Variants in LAX1 observed in about 807,000 individuals in gnomAD.
The protein encoded by LAX1 is lymphocyte transmembrane adaptor 1.
Under a neutral mutation model 20.7 loss-of-function variants are expected in LAX1, and 17 were observed. The observed-to-expected ratio is 0.82, with a 90% confidence interval of 0.56 to 1.23. LAX1 has a LOEUF of 1.23. LAX1 is among the 50% of genes most tolerant of loss of function. LAX1 has a pLI of 0.00. For missense variants in LAX1, 470 were observed against 487.0 expected, an observed-to-expected ratio of 0.97 and a Z score of 0.33; for synonymous variants, 165 against 181.0, an observed-to-expected ratio of 0.91 and a Z score of 0.71.
Position 203,765,502 on chromosome 1 carries a change from C to T in LAX1, c.-64C>T. On this transcript the variant is annotated 5_prime_UTR_variant, in exon 1 of 5. Transcript: ENST00000442561. ...GAGAAGTGGTAGACATGCTGGCTAA[C>T]TGATTATGATTAAGAGAAACTTAGA... 6.2e-7 allele frequency: 1 copy of T among 1,605,360 alleles called. No homozygotes were observed. Among genetic ancestry groups the T allele is most frequent in the African/African-American group, 1.3e-5 (1 of 74,886 alleles).
chr1:203,766,203 G>A (rs995530833), intron 1 of LAX1, among the ~76,000 whole-genome samples: 20 of 152,150 alleles, frequency 1.3e-4, no homozygotes, highest in Non-Finnish European at 2.1e-4. Context: ...CTGACTGGGC[G>A]CGGTGGCTCA....
chr1:203,774,797 A>G lies in LAX1; in HGVS notation c.*116A>G. 1.2e-6 allele frequency: 1 copy of G among 817,274 alleles called. No individual in the cohort carries two copies. The allele number at this position is 817,274 out of a possible 1,614,324, so 50.6% of individuals were successfully genotyped here. A position where few individuals can be genotyped will look rare whatever the true frequency, so the allele number is the denominator to read the frequency against. ...TAGTGCTTCAGTGGATTCACTGGTT[A>G]GATTAAAAAGAGGCTGAGATGAGCA... is the stretch of plus-strand genomic sequence containing the variant. On this transcript the variant is annotated 3_prime_UTR_variant, in exon 5 of 5. Coordinates refer to ENST00000442561, the MANE Select transcript of LAX1 (RefSeq NM_017773.4).
Position 203,774,485 on chromosome 1 carries a change from GT to G in LAX1, c.1002del (p.Cys334TrpfsTer26), listed in dbSNP as rs1667478083. On this transcript the variant is annotated frameshift_variant, in exon 5 of 5. Coordinates refer to ENST00000442561, the MANE Select transcript of LAX1 (RefSeq NM_017773.4). LOFTEE classifies it low-confidence loss of function (END_TRUNC). ...GATGATCCCGGGACCCATGTCCAAT[GT>G]GTCAAAAGGACATTCCTTGCTTCAG... ...KTDDPGTHVQ[C>X]VKRTFLASGD... The G allele has an allele frequency of 6.2e-7, 1 of 1,614,128 alleles. No homozygotes were observed. The highest frequency in any genetic ancestry group is 1.3e-5 in the African/African-American group (1 of 74,948).
intron 4 of LAX1, 152 bp downstream of exon 4, chr1:203,772,299 C>T: frequency 1.5e-6 from 1 of 655,274 alleles, no homozygotes. Flanking sequence ...GGAAGACTAG[C>T]CTCAGGATCT....
chr1:203,768,423 C>T (rs1030260382), intron 1 of LAX1, among the ~76,000 whole-genome samples: 3 of 152,176 alleles, frequency 2.0e-5, no homozygotes, highest in Non-Finnish European at 4.4e-5. Flanking sequence ...GAGGAGATGA[C>T]ATTTGACGTT....
chr1:203,773,935 G>A lies in LAX1; in HGVS notation c.451G>A (p.Ala151Thr), dbSNP rs151128475. Residue 151 changes from alanine to threonine, a missense_variant, in exon 5 of 5, where the codon GCG becomes ACG. Ala to Thr is a moderately conservative substitution (Grantham distance 58, BLOSUM62 0). Transcript: ENST00000442561. ...HTAHIHATEY[A>T]VGIYDNAMVP... ...AGCCCACATCCATGCCACAGAGTAC[G>A]CGGTGGGTATCTATGACAACGCCAT... The A allele has an allele frequency of 4.6e-4, 735 of 1,613,758 alleles. 4 individuals are homozygous for A. The African/African-American group carries it at 8.2e-3, about 18-fold the overall frequency.
At chr1:203,767,731 T>C (rs67381382) in intron 1 of LAX1, among the ~76,000 whole-genome samples, 52,389 of 152,016 alleles carry the variant, frequency 0.34, 10,516 homozygotes, top group East Asian at 0.89. Flanking sequence ...AACAAATATT[T>C]ATCAGGGCCC....
intron 2 of LAX1, among the ~76,000 whole-genome samples, 179 bp from the exon 3 acceptor site, chr1:203,771,188 T>A (rs1395358619): frequency 6.6e-6 from 1 of 152,146 alleles, no homozygotes; most frequent in East Asian, 1.9e-4. Flanking sequence ...GTTCTGTCCA[T>A]CAAGTCCCCT....
At position 203,771,290 on chromosome 1, in the gene LAX1, C is replaced by G. The variant is rs1195945027; in HGVS notation, c.200-77C>G. The G allele has an allele frequency of 2.7e-5, 24 of 898,452 alleles. No individual in the cohort carries two copies. The East Asian group carries it at 5.8e-4, about 22-fold the overall frequency. The allele number at this position is 898,452 out of a possible 1,614,324, so 55.7% of individuals were successfully genotyped here. Reference sequence around the variant, plus strand: ...AAGGATGGGGAGCATTTTCAGGGGCCATCTCATTCCCATGAGTCTCTTCAC... The same window carrying G: ...AAGGATGGGGAGCATTTTCAGGGGCGATCTCATTCCCATGAGTCTCTTCAC... On this transcript the variant is annotated intron_variant, in intron 2 of 4. Coordinates refer to ENST00000442561, the MANE Select transcript of LAX1 (RefSeq NM_017773.4).
chr1:203,770,561 G>GAAAAAA, intron 1 of LAX1, among the ~76,000 whole-genome samples: 1 of 150,640 alleles, frequency 6.6e-6, no homozygotes, highest in East Asian at 2.0e-4. Context: ...AAGAAAGAAA[G>GAAAAAA]AAAGAAAGAG....
In LAX1 at chr1:203,775,889, C is replaced by T. The variant is rs1667502813; in HGVS notation, c.*1208C>T. Reference sequence around the variant, plus strand: ...AAGGCAAAACTATAGGGATGAAGAACAGATCAGTTGTTGTCAGGTTTGAGA... The same window carrying T: ...AAGGCAAAACTATAGGGATGAAGAATAGATCAGTTGTTGTCAGGTTTGAGA... On this transcript the variant is annotated 3_prime_UTR_variant, in exon 5 of 5. Transcript: ENST00000442561. The T allele has an allele frequency of 6.6e-6, 1 of 152,206 alleles. No individual in the cohort carries two copies. Among genetic ancestry groups the T allele is most frequent in the Non-Finnish European group, 1.5e-5 (1 of 68,076 alleles). 9.4% of individuals were successfully genotyped at this position (152,206 alleles called of 1,614,324 possible).
chr1:203,768,508 G>A (rs972730042), intron 1 of LAX1, among the ~76,000 whole-genome samples: 1 of 152,150 alleles, frequency 6.6e-6, no homozygotes, highest in Non-Finnish European at 1.5e-5. Flanking sequence ...AGAGGGAGTG[G>A]CAGGTCTGAC....
rs1325320949 is a variant in LAX1, at chr1:203,775,638, T to C, written c.*957T>C. On this transcript the variant is annotated 3_prime_UTR_variant, in exon 5 of 5. Transcript: ENST00000442561. ...CTCGCACATGACTGTTTATAGCAGC[T>C]TCATTCATAATTACCAAAAACTAGA... 2 of 152,194 alleles carry C rather than the reference T, an allele frequency of 1.3e-5. No individual in the cohort carries two copies. Among genetic ancestry groups the C allele is most frequent in the African/African-American group, 2.4e-5 (1 of 41,456 alleles). The allele number at this position is 152,194 out of a possible 1,614,324, so 9.4% of individuals were successfully genotyped here.
At chr1:203,767,450 G>C (rs1305154851) in intron 1 of LAX1, among the ~76,000 whole-genome samples, 1 of 151,080 alleles carries the variant, frequency 6.6e-6, no homozygotes, top group African/African-American at 2.4e-5. Flanking sequence ...TGGGATTACA[G>C]GCATGAGCCA....
At chr1:203,770,470 G>A (rs369755276) in intron 1 of LAX1, among the ~76,000 whole-genome samples, 1,557 of 15,254 alleles carry the variant, frequency 0.1, 145 homozygotes, top group South Asian at 0.18. Context: ...AGGAAGGAAG[G>A]AAGGAAGGAA....
At chr1:203,765,909 G>C (rs1041924802) in intron 1 of LAX1, among the ~76,000 whole-genome samples, 1 of 152,126 alleles carries the variant, frequency 6.6e-6, no homozygotes, top group Non-Finnish European at 1.5e-5. Context: ...TAGTTGCTTA[G>C]ACTGGTTGGA....
Position 203,765,549 on chromosome 1 carries a change from C to T in LAX1, c.-17C>T, listed in dbSNP as rs1363287088. On this transcript the variant is annotated 5_prime_UTR_variant, in exon 1 of 5. Coordinates refer to ENST00000442561, the MANE Select transcript of LAX1 (RefSeq NM_017773.4). ...TAGAAGCTGAAGCCAGAGAGCATCT[C>T]AAAGGTTCCTGATACAATGGATGGT... 2 of 1,614,104 alleles carry T rather than the reference C, an allele frequency of 1.2e-6. No homozygotes were observed. The highest frequency in any genetic ancestry group is 1.7e-5 in the Admixed American group (1 of 60,004).
At position 203,770,441 on chromosome 1, in the gene LAX1, G is replaced by A. The variant is rs1446516554; in HGVS notation, c.90-387G>A. Reference sequence around the variant, plus strand: ...AAAGAAAGAAAGAAAGAAAGAGAGAGAGAGAGAGAGAGAAAGGAAGGAAGG... The same window carrying A: ...AAAGAAAGAAAGAAAGAAAGAGAGAAAGAGAGAGAGAGAAAGGAAGGAAGG... On this transcript the variant is annotated intron_variant, in intron 1 of 4. Transcript: ENST00000442561. 2.1e-3 allele frequency among the ~76,000 whole-genome samples: 97 copies of A among 45,742 alleles called. 1 individual carries two copies. The highest frequency in any genetic ancestry group is 4.1e-3 in the Non-Finnish European group (72 of 17,602). The allele number at this position is 45,742 out of a possible 152,430, so 30.0% of individuals were successfully genotyped here. A position where few individuals can be genotyped will look rare whatever the true frequency, so the allele number is the denominator to read the frequency against.
At position 203,772,068 on chromosome 1, in the gene LAX1, G is replaced by A; in HGVS notation, c.311G>A (p.Gly104Glu). 1 of 1,613,054 alleles carries A rather than the reference G, an allele frequency of 6.2e-7. No individual in the cohort carries two copies. Among genetic ancestry groups the A allele is most frequent in the Non-Finnish European group, 8.5e-7 (1 of 1,179,026 alleles). The part of the protein sequence containing the change: ...DILPWRQEDL[G>E]RHESRSMRIF... ...CAGGATTTGTTCTCTGTCCTTTCAG[G>A]GAGACATGAGTCGAGGAGTATGCGC... The change falls in exon 4 of 5, where the codon GGG becomes GAG. Residue 104 changes from glycine to glutamate, a missense_variant and splice_region_variant. Transcript: ENST00000442561.
Sources: allele counts gnomAD v4.1 joint callset (sites outside exome capture counted in the v4.1 genomes callset), GRCh38; gene constraint gnomAD v4.1.1; transcripts MANE v1.5; gene names NCBI Gene and HGNC (gene_info 2026-07-23, HGNC 2026-07-21).